Variants in ARID4B observed in about 807,000 individuals in gnomAD.
ARID4B encodes AT-rich interactive domain-containing protein 4B.
In ARID4B, 26 loss-of-function variants were observed where a neutral mutation model predicts 147.5. The observed-to-expected ratio is 0.18, with a 90% CI of 0.13 to 0.24. The LOEUF (loss-of-function observed/expected upper bound fraction) is 0.24. Ranked by LOEUF, ARID4B falls within the 10% of genes least tolerant of loss-of-function variation. The pLI is 1.00. For synonymous variants in ARID4B, 512 were observed against 507.9 expected, an observed-to-expected ratio of 1.01 and a Z score of -0.11; for missense variants, 1,179 against 1,511.5, an observed-to-expected ratio of 0.78 and a Z score of 3.65.
At chr1:235,204,576 G>A (rs560111724) in intron 17 of ARID4B, among the ~76,000 whole-genome samples, 7 of 152,174 alleles carry the variant, frequency 4.6e-5, no homozygotes, top group South Asian at 2.1e-4. Context: ...AAAATGAAAC[G>A]GAAGTATAGG....
At chr1:235,299,332 G>T (rs997101843) in intron 2 of ARID4B, among the ~76,000 whole-genome samples, 2 of 152,156 alleles carry the variant, frequency 1.3e-5, no homozygotes, top group African/African-American at 4.8e-5. Context: ...TCCTGCCTCA[G>T]CCGCCCGAGT....
chr1:235,177,783 A>C lies in ARID4B; in HGVS notation c.3448+17T>G. On this transcript the variant is annotated intron_variant, in intron 21 of 23. Transcript: ENST00000264183. Reference sequence around the variant, plus strand: ...CTATTATTTTTATATTTTAAAAATTAGAGATTTCACACTTACTGCCTTTTC... The same window carrying C: ...CTATTATTTTTATATTTTAAAAATTCGAGATTTCACACTTACTGCCTTTTC... The C allele has an allele frequency of 2.6e-6, 4 of 1,513,836 alleles. No homozygotes were observed. Among genetic ancestry groups the C allele is most frequent in the Non-Finnish European group, 3.6e-6 (4 of 1,101,148 alleles). The allele number at this position is 1,513,836 out of a possible 1,614,324, so 93.8% of individuals were successfully genotyped here. A position where few individuals can be genotyped will look rare whatever the true frequency, so the allele number is the denominator to read the frequency against.
chr1:235,294,456 GC>G, intron 2 of ARID4B, among the ~76,000 whole-genome samples: 1 of 88,226 alleles, frequency 1.1e-5, no homozygotes, highest in Non-Finnish European at 2.2e-5. Flanking sequence ...CAATTCTCCC[GC>G]TTGAACCCAG....
chr1:235,203,730 G>A (rs1465833991), intron 17 of ARID4B, among the ~76,000 whole-genome samples: 1 of 151,904 alleles, frequency 6.6e-6, no homozygotes, highest in African/African-American at 2.4e-5. Context: ...GTGGAAATTT[G>A]TACTGTCTTA....
At chr1:235,258,163 T>G (rs1222712379) in intron 3 of ARID4B, among the ~76,000 whole-genome samples, 1 of 152,080 alleles carries the variant, frequency 6.6e-6, no homozygotes, top group East Asian at 1.9e-4. Flanking sequence ...AAGCCCCATC[T>G]CTATTAAAAA....
intron 17 of ARID4B, among the ~76,000 whole-genome samples, chr1:235,197,901 A>G (rs1665610882): frequency 6.6e-6 from 1 of 152,172 alleles, no homozygotes; most frequent in Non-Finnish European, 1.5e-5. Context: ...TACCTTTCCT[A>G]TTAATATCGA....
At chr1:235,316,774 G>A (rs917109694) in intron 2 of ARID4B, among the ~76,000 whole-genome samples, 2 of 152,038 alleles carry the variant, frequency 1.3e-5, no homozygotes, top group Non-Finnish European at 1.5e-5. Flanking sequence ...AGCTGAGATC[G>A]CACCACTGCA....
intron 2 of ARID4B, among the ~76,000 whole-genome samples, chr1:235,278,141 C>T (rs2103168910): frequency 6.6e-6 from 1 of 152,246 alleles, no homozygotes; most frequent in African/African-American, 2.4e-5. Context: ...TCAATGGCCT[C>T]TCAGAACTAA....
Position 235,182,197 on chromosome 1 carries a change from G to C in ARID4B, c.2722C>G (p.Leu908Val). The C allele has an allele frequency of 1.2e-6, 2 of 1,613,660 alleles. No individual in the cohort carries two copies. The highest frequency in any genetic ancestry group is 2.7e-5 in the African/African-American group (2 of 74,942). Residue 908 changes from leucine (L) to valine (V), a missense_variant, in exon 20 of 24, where the codon CTT becomes GTT. Transcript: ENST00000264183. ...FSEVAEKRIKLLNNSDERLQN... is the reference protein window; with the variant it reads ...FSEVAEKRIKVLNNSDERLQN... ...AGTCTTTCATCAGAGTTATTTAAAA[G>C]TTTAATCCTTTTTTCTGCCACTTCT...
chr1:235,322,916 G>C (rs890612526), intron 2 of ARID4B, among the ~76,000 whole-genome samples: 2 of 151,896 alleles, frequency 1.3e-5, no homozygotes, highest in African/African-American at 2.4e-5. Flanking sequence ...CACACACACA[G>C]GGCATTAAAA....
At chr1:235,230,918 C>CAA (rs758639309) in intron 10 of ARID4B, among the ~76,000 whole-genome samples, 195 bp downstream of exon 10, 161 of 115,280 alleles carry the variant, frequency 1.4e-3, no homozygotes, top group African/African-American at 4.1e-3. Flanking sequence ...ACTCTGTCTC[C>CAA]AAAAAAAAAA....
intron 6 of ARID4B, among the ~76,000 whole-genome samples, chr1:235,251,981 A>G (rs2103096393): frequency 6.6e-6 from 1 of 152,310 alleles, no homozygotes; most frequent in African/African-American, 2.4e-5. Flanking sequence ...TCCTAATCTG[A>G]AAGTTGGGGA....
At chr1:235,282,393 C>T (rs1162553528) in intron 2 of ARID4B, among the ~76,000 whole-genome samples, 1 of 152,180 alleles carries the variant, frequency 6.6e-6, no homozygotes, top group African/African-American at 2.4e-5. Flanking sequence ...GCAAAGCAAC[C>T]TTCTTTTTGG....
chr1:235,294,897 C>G (rs1280297437), intron 2 of ARID4B, among the ~76,000 whole-genome samples: 5 of 151,570 alleles, frequency 3.3e-5, no homozygotes, highest in African/African-American at 1.2e-4. Flanking sequence ...AAACAGCACT[C>G]CTTAGAAACC....
At chr1:235,179,554 C>A (rs1477605254) in intron 20 of ARID4B, among the ~76,000 whole-genome samples, 330 of 87,194 alleles carry the variant, frequency 3.8e-3, no homozygotes, top group African/African-American at 4.3e-3. Context: ...AAAAAAAAAA[C>A]CCAACAAAAA....
At chr1:235,281,818 A>T (rs1465397654) in intron 2 of ARID4B, among the ~76,000 whole-genome samples, 1 of 152,212 alleles carries the variant, frequency 6.6e-6, no homozygotes, top group Non-Finnish European at 1.5e-5. Context: ...ATGTATTTTT[A>T]AAAACCTGTT....
chr1:235,322,854 A>C (rs1166711880), intron 2 of ARID4B, among the ~76,000 whole-genome samples: 2 of 151,978 alleles, frequency 1.3e-5, no homozygotes, highest in Non-Finnish European at 2.9e-5. Flanking sequence ...GACAGAGTGG[A>C]TAGGGAGACA....
At chr1:235,183,726 GTTTT>G (rs1035280988) in intron 19 of ARID4B, among the ~76,000 whole-genome samples, 3 of 151,588 alleles carry the variant, frequency 2.0e-5, no homozygotes, top group Non-Finnish European at 4.4e-5. Flanking sequence ...CCTTTGTTTT[GTTTT>G]GTTTTATTTT....
chr1:235,187,629 A>C (rs1191295318), intron 19 of ARID4B, among the ~76,000 whole-genome samples: 1 of 152,004 alleles, frequency 6.6e-6, no homozygotes, highest in African/African-American at 2.4e-5. Context: ...TTTATTCCCA[A>C]CCCATCTCAG....
Sources: gnomAD v4.1 joint callset for allele counts (sites outside exome capture counted in the v4.1 genomes callset) on GRCh38, gnomAD v4.1.1 for gene constraint, MANE v1.5 for transcripts, NCBI Gene and HGNC (gene_info 2026-07-23, HGNC 2026-07-21) for gene names.